The following LRRC4C variants were observed in gnomAD, a reference collection of about 807,000 sequenced individuals.
LRRC4C encodes leucine-rich repeat-containing protein 4C.
Under a neutral mutation model 33.6 loss-of-function variants are expected in LRRC4C, and 5 were observed. The observed-to-expected ratio is 0.15, with a 90% CI of 0.08 to 0.31. The LOEUF (loss-of-function observed/expected upper bound fraction) is 0.31, where lower values mean the gene tolerates loss of function less well. Among genes scored for constraint, LRRC4C ranks in the 10% least tolerant of loss-of-function variants. The pLI is 1.00. For missense variants in LRRC4C, 560 were observed against 796.7 expected (o/e 0.70, Z 3.58); for synonymous variants, 329 against 302.0 (o/e 1.09, Z -0.93).
intron 3 of LRRC4C, among the ~76,000 whole-genome samples, chr11:40,337,823 T>C (rs1946696802): frequency 1.3e-5 from 2 of 152,162 alleles, no homozygotes; most frequent in Admixed American, 6.5e-5. Flanking sequence ...CCTGATCCTC[T>C]CATTCTTCCC....
At chr11:40,376,388 T>C (rs1040541847) in intron 3 of LRRC4C, among the ~76,000 whole-genome samples, 1 of 152,112 alleles carries the variant, frequency 6.6e-6, no homozygotes, top group Non-Finnish European at 1.5e-5. Context: ...AGAAAAGAGT[T>C]GAACAGAGCA....
At chr11:40,525,172 C>T (rs1167665694) in intron 3 of LRRC4C, among the ~76,000 whole-genome samples, 3 of 152,056 alleles carry the variant, frequency 2.0e-5, no homozygotes, top group Non-Finnish European at 1.5e-5. Flanking sequence ...CTGGGCCGGG[C>T]GCCGTGGCTC....
intron 3 of LRRC4C, among the ~76,000 whole-genome samples, chr11:40,353,308 A>T (rs1174983133): frequency 6.6e-6 from 1 of 151,870 alleles, no homozygotes; most frequent in African/African-American, 2.4e-5. Flanking sequence ...CTATTTTTAA[A>T]TAGGTTGGCT....
intron 2 of LRRC4C, among the ~76,000 whole-genome samples, chr11:40,867,342 TG>T (rs1421262172): frequency 7.2e-5 from 11 of 152,194 alleles, no homozygotes; most frequent in African/African-American, 2.7e-4. Context: ...CCTGAAACAT[TG>T]GCTAAGTTAG....
intron 1 of LRRC4C, among the ~76,000 whole-genome samples, chr11:41,321,547 A>G (rs1950959645): frequency 6.6e-6 from 1 of 152,198 alleles, no homozygotes; most frequent in African/African-American, 2.4e-5. Context: ...TCCCTTGGGT[A>G]TATAATAATA....
At chr11:40,856,275 A>G (rs1159503261) in intron 2 of LRRC4C, among the ~76,000 whole-genome samples, 1 of 152,232 alleles carries the variant, frequency 6.6e-6, no homozygotes, top group African/African-American at 2.4e-5. Flanking sequence ...ACATAGCTAC[A>G]TAAAAGAAAG....
chr11:41,325,305 G>C (rs1412007021), intron 1 of LRRC4C, among the ~76,000 whole-genome samples: 1 of 152,076 alleles, frequency 6.6e-6, no homozygotes, highest in Non-Finnish European at 1.5e-5. Context: ...CTTTTAAGGT[G>C]AGTTATTGAA....
At chr11:41,254,089 T>G (rs932533213) in intron 1 of LRRC4C, among the ~76,000 whole-genome samples, 6 of 152,082 alleles carry the variant, frequency 3.9e-5, no homozygotes, top group Non-Finnish European at 7.4e-5. Context: ...GTCCACTCAC[T>G]GTATAAATAT....
At chr11:40,923,663 G>T (rs1035733013) in intron 2 of LRRC4C, among the ~76,000 whole-genome samples, 1 of 152,100 alleles carries the variant, frequency 6.6e-6, no homozygotes, top group Non-Finnish European at 1.5e-5. Flanking sequence ...CTGATATATT[G>T]AAGTTTTTTA....
intron 1 of LRRC4C, among the ~76,000 whole-genome samples, chr11:41,153,317 A>AT: frequency 6.6e-6 from 1 of 152,106 alleles, no homozygotes; most frequent in East Asian, 1.9e-4. Context: ...GAATGATGGT[A>AT]TTTGTTGTTG....
chr11:40,575,402 A>T (rs943476160), intron 3 of LRRC4C, among the ~76,000 whole-genome samples: 7 of 151,268 alleles, frequency 4.6e-5, no homozygotes, highest in Non-Finnish European at 8.9e-5. Flanking sequence ...AAAAAAAAAA[A>T]GCTTTCCTGA....
chr11:41,037,282 G>GTT lies in LRRC4C; in HGVS notation c.-495-103561_-495-103560dup, dbSNP rs34915521. On this transcript the variant is annotated intron_variant, in intron 1 of 6. Transcript: ENST00000528697. ...CTTCCCAATTACCTATCTTTGATGG[G>GTT]TTTTTTTTTTTCTGATAATGCCTCA... Among the ~76,000 whole-genome samples, 322 of 148,144 alleles carry GTT rather than the reference G, an allele frequency of 2.2e-3. 1 individual carries two copies. Among genetic ancestry groups the GTT allele is most frequent in the Middle Eastern group, 7.0e-3 (2 of 284 alleles).
intron 1 of LRRC4C, among the ~76,000 whole-genome samples, chr11:41,089,630 A>T (rs1940255568): frequency 6.6e-6 from 1 of 152,058 alleles, no homozygotes; most frequent in African/African-American, 2.4e-5. Context: ...AAATAACCTG[A>T]CTTGGTGTCA....
intron 3 of LRRC4C, among the ~76,000 whole-genome samples, chr11:40,548,579 A>T (rs1038929947): frequency 1.3e-5 from 2 of 152,056 alleles, no homozygotes; most frequent in African/African-American, 4.8e-5. Flanking sequence ...TATTTAAGCC[A>T]GCCAGTTTGT....
intron 1 of LRRC4C, among the ~76,000 whole-genome samples, chr11:41,342,663 C>T (rs1320665704): frequency 1.3e-5 from 2 of 151,972 alleles, no homozygotes; most frequent in Non-Finnish European, 2.9e-5. Context: ...TTCAGTGAGC[C>T]GAGATTGTGC....
intron 1 of LRRC4C, among the ~76,000 whole-genome samples, chr11:41,360,950 G>A (rs1195494288): frequency 6.6e-6 from 1 of 152,106 alleles, no homozygotes; most frequent in Non-Finnish European, 1.5e-5. Flanking sequence ...CGTAATGCTA[G>A]GCATCATGGC....
At chr11:40,127,171 G>A (rs977112795) in intron 6 of LRRC4C, among the ~76,000 whole-genome samples, 7 of 152,054 alleles carry the variant, frequency 4.6e-5, no homozygotes, top group Non-Finnish European at 8.8e-5. Flanking sequence ...CAGCTACTCC[G>A]GAGGCTGAGG....
intron 1 of LRRC4C, among the ~76,000 whole-genome samples, chr11:40,946,044 A>T (rs1454953650): frequency 6.6e-6 from 1 of 152,150 alleles, no homozygotes; most frequent in Non-Finnish European, 1.5e-5. Flanking sequence ...TCAGATAGTT[A>T]GCATAGTACT....
intron 1 of LRRC4C, among the ~76,000 whole-genome samples, chr11:41,159,863 C>T (rs1013296198): frequency 6.6e-6 from 1 of 151,942 alleles, no homozygotes; most frequent in Non-Finnish European, 1.5e-5. Flanking sequence ...GTATTATACC[C>T]AATACTGCCT....
Sources: allele counts gnomAD v4.1 joint callset (sites outside exome capture counted in the v4.1 genomes callset), GRCh38; gene constraint gnomAD v4.1.1; transcripts MANE v1.5; gene names NCBI Gene and HGNC (gene_info 2026-07-23, HGNC 2026-07-21).